The following SS18L1 variants were observed in gnomAD, a reference collection of about 807,000 sequenced individuals.
SS18L1 encodes the protein calcium-responsive transactivator.
A neutral mutation model predicts 70.3 loss-of-function variants in SS18L1; 32 were observed. That is an observed-to-expected ratio of 0.46 (90% CI 0.34 to 0.61). SS18L1 has a LOEUF of 0.61. Ranked by LOEUF, SS18L1 falls within the 20% of genes least tolerant of loss-of-function variation. The probability of loss-of-function intolerance (pLI) is 0.01; values close to 1 mark genes in which losing one functional copy is unlikely to be tolerated. For missense variants in SS18L1, 430 were observed against 542.1 expected, an observed-to-expected ratio of 0.79 and a Z score of 2.05; for synonymous variants, 237 against 229.7, an observed-to-expected ratio of 1.03 and a Z score of -0.29.
intron 8 of SS18L1, among the ~76,000 whole-genome samples, chr20:62,166,978 G>A (rs764810795): frequency 1.3e-5 from 2 of 150,518 alleles, no homozygotes; most frequent in Non-Finnish European, 3.0e-5. Flanking sequence ...GGTGGCTTAC[G>A]CCTGTAATCC....
At chr20:62,166,854 G>A (rs911586573) in intron 8 of SS18L1, among the ~76,000 whole-genome samples, 70 of 150,934 alleles carry the variant, frequency 4.6e-4, no homozygotes, top group Non-Finnish European at 7.1e-4. Flanking sequence ...GAACCCGGGA[G>A]GTGTAGGTTG....
Position 62,180,814 on chromosome 20 carries a change from G to A in SS18L1, c.*1606G>A. The A allele has an allele frequency of 6.0e-6, 1 of 165,740 alleles. No homozygotes were observed. The highest frequency in any genetic ancestry group is 1.3e-5 in the Non-Finnish European group (1 of 75,788). 10.3% of individuals were successfully genotyped at this position (165,740 alleles called of 1,614,324 possible). ...GGAACCTGAGGCAGGAGAATGGCTT[G>A]AACCCAGGAGACAGAGGTTGTGGTG... is the stretch of plus-strand genomic sequence containing the variant. On this transcript the variant is annotated 3_prime_UTR_variant, in exon 11 of 11. Transcript: ENST00000331758.
Position 62,159,919 on chromosome 20 carries a change from G to A in SS18L1, c.189G>A (p.Thr63=), listed in dbSNP as rs1208490822. ...ACCGGAACCTGGTATACCTGGCCAC[G>A]ATCGCAGACTCCAACCAGAACATGC... ...ILHRNLVYLA[T]IADSNQNMQS... The change falls in exon 3 of 11, where the codon ACG becomes ACA. Residue 63 remains threonine, a synonymous_variant. Coordinates refer to ENST00000331758, the MANE Select transcript of SS18L1 (RefSeq NM_198935.3). This position sits in a 1 kb window ranked among gnomAD's most constrained non-coding sequence, Gnocchi z 4.4. 8.1e-6 allele frequency: 13 copies of A among 1,612,378 alleles called. No individual in the cohort carries two copies. The highest frequency in any genetic ancestry group is 5.0e-5 in the Admixed American group (3 of 59,950).
rs1315187545 is a variant in SS18L1, at chr20:62,179,784, T to C, written c.*576T>C. On this transcript the variant is annotated 3_prime_UTR_variant, in exon 11 of 11. Transcript: ENST00000331758. Reference sequence around the variant, plus strand: ...TTACGTAACGAAAAGGATAAACATCTCCCACGGGAGAGGCCACAGATGGCC... The same window carrying C: ...TTACGTAACGAAAAGGATAAACATCCCCCACGGGAGAGGCCACAGATGGCC... 1 of 230,718 alleles carries C rather than the reference T, an allele frequency of 4.3e-6. No homozygotes were observed. The highest frequency in any genetic ancestry group is 8.6e-6 in the Non-Finnish European group (1 of 116,644). The allele number at this position is 230,718 out of a possible 1,614,324, so 14.3% of individuals were successfully genotyped here. A position where few individuals can be genotyped will look rare whatever the true frequency, so the allele number is the denominator to read the frequency against.
chr20:62,152,841 A>C (rs967742649), intron 1 of SS18L1, among the ~76,000 whole-genome samples: 2 of 152,134 alleles, frequency 1.3e-5, no homozygotes, highest in East Asian at 1.9e-4. Flanking sequence ...CGAATCGACA[A>C]CCTCCAGAGT....
intron 7 of SS18L1, among the ~76,000 whole-genome samples, chr20:62,164,690 A>G (rs1378543151): frequency 1.3e-5 from 2 of 152,262 alleles, no homozygotes; most frequent in African/African-American, 4.8e-5. Flanking sequence ...TACCGTCGTC[A>G]CCTTTCAGTC....
chr20:62,164,249 G>A lies in SS18L1; in HGVS notation c.823+3G>A. 6.5e-7 allele frequency: 1 copy of A among 1,546,190 alleles called. No individual in the cohort carries two copies. The highest frequency in any genetic ancestry group is 8.7e-7 in the Non-Finnish European group (1 of 1,144,980). ...GGGCCAGCAGTACTACCCCGACGGT[G>A]AGCACTGGCGGCGGCCTGACCCCGC... On this transcript the variant is annotated splice_donor_region_variant and intron_variant, in intron 7 of 10. Coordinates refer to ENST00000331758, the MANE Select transcript of SS18L1 (RefSeq NM_198935.3).
chr20:62,154,797 T>A (rs1248744984), intron 1 of SS18L1, among the ~76,000 whole-genome samples: 1 of 152,062 alleles, frequency 6.6e-6, no homozygotes, highest in Non-Finnish European at 1.5e-5. Flanking sequence ...GATTGAAGGA[T>A]TTGGGGGTGA....
At chr20:62,177,747 G>A (rs113140218) in intron 10 of SS18L1, among the ~76,000 whole-genome samples, 5,713 of 152,248 alleles carry the variant, frequency 0.038, 170 homozygotes, top group Non-Finnish European at 0.054. Flanking sequence ...TTTTGAGATG[G>A]AGTCTTGCTC....
intron 1 of SS18L1, among the ~76,000 whole-genome samples, chr20:62,148,856 T>C (rs531759779): frequency 2.6e-5 from 4 of 152,346 alleles, no homozygotes; most frequent in Non-Finnish European, 5.9e-5. Flanking sequence ...ATAAAGACAC[T>C]GTGCCTGCCC....
At position 62,159,756 on chromosome 20, in the gene SS18L1, T is replaced by C. The variant is rs1601014046; in HGVS notation, c.147-121T>C. On this transcript the variant is annotated intron_variant, in intron 2 of 10. Coordinates refer to ENST00000331758, the MANE Select transcript of SS18L1 (RefSeq NM_198935.3). This position sits in a 1 kb window ranked among gnomAD's most constrained non-coding sequence, Gnocchi z 4.4. Reference sequence around the variant, plus strand: ...CCAGCTGGGTGTCATCTGGGGTCCATGTCCTCATGGGGTTTGGCTGGATGT... The same window carrying C: ...CCAGCTGGGTGTCATCTGGGGTCCACGTCCTCATGGGGTTTGGCTGGATGT... 3.2e-6 allele frequency: 3 copies of C among 939,830 alleles called. No homozygotes were observed. The South Asian group carries it at 4.9e-5, about 15-fold the overall frequency. The allele number at this position is 939,830 out of a possible 1,614,324, so 58.2% of individuals were successfully genotyped here. A position where few individuals can be genotyped will look rare whatever the true frequency, so the allele number is the denominator to read the frequency against.
At chr20:62,171,148 C>T (rs530610787) in intron 8 of SS18L1, among the ~76,000 whole-genome samples, 10 of 152,108 alleles carry the variant, frequency 6.6e-5, no homozygotes, top group East Asian at 3.9e-4. Context: ...GTGATCCACC[C>T]GCCTCGGCCT....
At chr20:62,160,395 G>A (rs1454826386) in intron 3 of SS18L1, among the ~76,000 whole-genome samples, 4 of 144,408 alleles carry the variant, frequency 2.8e-5, no homozygotes, top group Non-Finnish European at 4.6e-5. Context: ...GGTGGGGAGA[G>A]GTGGGATGGG....
intron 8 of SS18L1, among the ~76,000 whole-genome samples, chr20:62,169,506 G>C (rs1470484512): frequency 7.2e-5 from 11 of 152,170 alleles, no homozygotes; most frequent in African/African-American, 2.4e-4. Flanking sequence ...GGGCCGGGCA[G>C]AGTGGCTCAC....
chr20:62,179,730 G>GGGGGGGGGGGGGGGGGGCCCCC lies in SS18L1; in HGVS notation c.*522_*523insGGGGGGGGGGGGGGGGGCCCCC. The GGGGGGGGGGGGGGGGGGCCCCC allele has an allele frequency of 1.0e-5, 1 of 96,714 alleles. No individual in the cohort carries two copies. Among genetic ancestry groups the GGGGGGGGGGGGGGGGGGCCCCC allele is most frequent in the Non-Finnish European group, 2.0e-5 (1 of 48,822 alleles). 6.0% of individuals were successfully genotyped at this position (96,714 alleles called of 1,614,324 possible). ...GTGCCTCGATGGGGTGGGTGGGAGG[G>GGGGGGGGGGGGGGGGGGCCCCC]CATCTTCTGTGCGTTGGGTCAGTTT... On this transcript the variant is annotated 3_prime_UTR_variant, in exon 11 of 11. Coordinates refer to ENST00000331758, the MANE Select transcript of SS18L1 (RefSeq NM_198935.3).
chr20:62,174,605 G>A lies in SS18L1; in HGVS notation c.1125G>A (p.Ala375=), dbSNP rs762718196. 16 of 1,613,586 alleles carry A rather than the reference G, an allele frequency of 9.9e-6. No homozygotes were observed. Among genetic ancestry groups the A allele is most frequent in the East Asian group, 2.2e-5 (1 of 44,876 alleles). ...GAAGCTACCGAGCACCGCAGACAGC[G>A]CCGTCTGCCCAGCAGCAGCGGCCCT... The part of the protein sequence containing the change: ...QYGSYRAPQT[A]PSAQQQRPYG... Residue 375 remains alanine, a synonymous_variant, in exon 10 of 11, where the codon GCG becomes GCA. Coordinates refer to ENST00000331758, the MANE Select transcript of SS18L1 (RefSeq NM_198935.3). The surrounding 1 kb of genome is among the most constrained non-coding windows in gnomAD (Gnocchi z 4.1).
chr20:62,166,224 C>T (rs1312778118), intron 8 of SS18L1, among the ~76,000 whole-genome samples: 2 of 152,208 alleles, frequency 1.3e-5, no homozygotes, highest in African/African-American at 4.8e-5. Flanking sequence ...CGGGATTGCG[C>T]AACCTCGTCC....
intron 1 of SS18L1, among the ~76,000 whole-genome samples, chr20:62,147,059 G>C (rs1434001007): frequency 6.6e-6 from 1 of 152,174 alleles, no homozygotes; most frequent in East Asian, 1.9e-4. Flanking sequence ...CAGGGGTCTG[G>C]GTACAGTTTA....
Position 62,159,440 on chromosome 20 carries a change from C to T in SS18L1, c.147-437C>T, listed in dbSNP as rs2057285067. 6.6e-6 allele frequency among the ~76,000 whole-genome samples: 1 copy of T among 152,162 alleles called. No individual in the cohort carries two copies. Among genetic ancestry groups the T allele is most frequent in the African/African-American group, 2.4e-5 (1 of 41,446 alleles). ...AGGGGCCTTCCCTGGCAGAACTGTGCTTCCCCATTTCTTTCCAGGGCTTTC... is the reference window on the plus strand; with the variant it reads ...AGGGGCCTTCCCTGGCAGAACTGTGTTTCCCCATTTCTTTCCAGGGCTTTC... On this transcript the variant is annotated intron_variant, in intron 2 of 10. Coordinates refer to ENST00000331758, the MANE Select transcript of SS18L1 (RefSeq NM_198935.3). This position sits in a 1 kb window ranked among gnomAD's most constrained non-coding sequence, Gnocchi z 4.4.
Sources: allele counts gnomAD v4.1 joint callset (sites outside exome capture counted in the v4.1 genomes callset), GRCh38; gene constraint gnomAD v4.1.1; non-coding constraint Gnocchi (gnomAD v3.1); transcripts MANE v1.5; gene names NCBI Gene and HGNC (gene_info 2026-07-23, HGNC 2026-07-21).